Variants in AOAH observed in about 807,000 individuals in gnomAD.
The protein encoded by AOAH is acyloxyacyl hydrolase, also known as acyloxyacyl hydrolase (neutrophil).
A neutral mutation model predicts 92.2 loss-of-function variants in AOAH; 64 were observed. The observed-to-expected ratio is 0.69, with a 90% confidence interval of 0.57 to 0.86. The LOEUF is 0.86. Ranked by LOEUF, AOAH falls within the 40% of genes least tolerant of loss-of-function variation. The probability of loss-of-function intolerance (pLI) is 0.00; values close to 1 mark genes in which losing one functional copy is unlikely to be tolerated. For missense variants in AOAH, 656 were observed against 694.6 expected, an observed-to-expected ratio of 0.94 and a Z score of 0.62; for synonymous variants, 263 against 254.5, an observed-to-expected ratio of 1.03 and a Z score of -0.32.
At chr7:36,547,080 A>T (rs1317922585) in intron 15 of AOAH, among the ~76,000 whole-genome samples, 1 of 152,202 alleles carries the variant, frequency 6.6e-6, no homozygotes, top group Non-Finnish European at 1.5e-5. Flanking sequence ...CAGTTTTCCC[A>T]TCTGTAAAAT....
chr7:36,678,985 T>G (rs1473317816), intron 2 of AOAH, among the ~76,000 whole-genome samples: 1 of 152,080 alleles, frequency 6.6e-6, no homozygotes, highest in Admixed American at 6.6e-5. Flanking sequence ...CATACAAGAG[T>G]ATTTAATTTC....
intron 9 of AOAH, among the ~76,000 whole-genome samples, chr7:36,620,387 C>T (rs990169748): frequency 6.6e-6 from 1 of 151,706 alleles, no homozygotes; most frequent in Non-Finnish European, 1.5e-5. Context: ...CTGCTCTGCC[C>T]GGCTAGGCTT....
chr7:36,602,198 G>T (rs1478211058), intron 11 of AOAH, among the ~76,000 whole-genome samples: 1 of 152,042 alleles, frequency 6.6e-6, no homozygotes, highest in African/African-American at 2.4e-5. Context: ...AGGACAAAAT[G>T]GCAAATAACA....
At chr7:36,704,054 T>G (rs1359705742) in intron 1 of AOAH, among the ~76,000 whole-genome samples, 2 of 152,212 alleles carry the variant, frequency 1.3e-5, no homozygotes, top group Non-Finnish European at 2.9e-5. Context: ...TCTGAAGGTG[T>G]GAGATGGTAT....
At chr7:36,706,620 T>C (rs1004129195) in intron 1 of AOAH, among the ~76,000 whole-genome samples, 6 of 152,362 alleles carry the variant, frequency 3.9e-5, no homozygotes, top group African/African-American at 9.6e-5. Context: ...GAAAGTCATA[T>C]AGATGACATC....
intron 4 of AOAH, among the ~76,000 whole-genome samples, chr7:36,644,261 A>G (rs182783116): frequency 3.9e-5 from 6 of 152,302 alleles, no homozygotes; most frequent in South Asian, 2.1e-4. Context: ...TCCAGATCCA[A>G]TTCAGACCCA....
intron 11 of AOAH, among the ~76,000 whole-genome samples, chr7:36,609,500 T>TATTAA: frequency 6.6e-6 from 1 of 152,146 alleles, no homozygotes; most frequent in South Asian, 2.1e-4. Flanking sequence ...GGATGAGCTT[T>TATTAA]AGTTCAGCTG....
intron 20 of AOAH, among the ~76,000 whole-genome samples, chr7:36,517,936 C>T (rs1783895062): frequency 1.9e-5 from 1 of 54,028 alleles, no homozygotes; most frequent in Admixed American, 1.8e-4. Flanking sequence ...CACACCCACA[C>T]ACACACACCC....
intron 11 of AOAH, among the ~76,000 whole-genome samples, chr7:36,601,709 C>T (rs1486471628): frequency 6.6e-6 from 1 of 152,190 alleles, no homozygotes; most frequent in Non-Finnish European, 1.5e-5. Context: ...TGTGTCAGCA[C>T]ATAGAAGGGA....
At chr7:36,675,927 T>C (rs965909539) in intron 2 of AOAH, among the ~76,000 whole-genome samples, 6 of 152,134 alleles carry the variant, frequency 3.9e-5, no homozygotes, top group Admixed American at 3.9e-4. Flanking sequence ...TGACAAAATA[T>C]AACACTGCTT....
chr7:36,688,865 C>A (rs10224287), intron 1 of AOAH, among the ~76,000 whole-genome samples: 2,768 of 151,628 alleles, frequency 0.018, 92 homozygotes, highest in African/African-American at 0.064. Flanking sequence ...ATATGTGTAT[C>A]TATACACATG....
intron 5 of AOAH, among the ~76,000 whole-genome samples, chr7:36,632,364 C>T (rs112516932): frequency 1.7e-3 from 254 of 152,344 alleles, no homozygotes; most frequent in Non-Finnish European, 3.0e-3. Context: ...AGCTTCCCAG[C>T]CACCCTCACT....
chr7:36,692,171 G>C (rs538555794), intron 1 of AOAH, among the ~76,000 whole-genome samples: 1 of 152,310 alleles, frequency 6.6e-6, no homozygotes, highest in Non-Finnish European at 1.5e-5. Flanking sequence ...TGAGGCTTAC[G>C]TGATACCACA....
chr7:36,656,019 G>T (rs1204364684), intron 4 of AOAH, among the ~76,000 whole-genome samples: 1 of 152,198 alleles, frequency 6.6e-6, no homozygotes, highest in Non-Finnish European at 1.5e-5. Flanking sequence ...CAAGTGGAAG[G>T]ACAGAGTGAG....
At chr7:36,532,438 C>A in intron 16 of AOAH, 94 bp from the exon 17 acceptor site, 1 of 1,161,544 alleles carries the variant, frequency 8.6e-7, no homozygotes, top group Non-Finnish European at 1.3e-6. Flanking sequence ...TGCAGAAAGT[C>A]ACTATTTCCA....
intron 13 of AOAH, among the ~76,000 whole-genome samples, chr7:36,563,135 G>A (rs886884269): frequency 2.0e-5 from 1 of 50,344 alleles, no homozygotes; most frequent in African/African-American, 7.2e-5. Context: ...CAACAAGAAT[G>A]AAACTCCGTC....
chr7:36,535,152 G>A (rs10246427), intron 16 of AOAH, among the ~76,000 whole-genome samples: 55,018 of 150,074 alleles, frequency 0.37, 11,459 homozygotes, highest in East Asian at 0.52. Context: ...ACCTGTGTCC[G>A]TGTCTGTGTG....
At chr7:36,549,265 G>A (rs1252055771) in intron 14 of AOAH, among the ~76,000 whole-genome samples, 174 bp downstream of exon 14, 11 of 152,254 alleles carry the variant, frequency 7.2e-5, no homozygotes, top group African/African-American at 2.4e-4. Context: ...GAGGACATAT[G>A]CAAATTAATC....
chr7:36,674,767 T>G (rs1383038443), intron 2 of AOAH, among the ~76,000 whole-genome samples: 1 of 152,192 alleles, frequency 6.6e-6, no homozygotes, highest in Non-Finnish European at 1.5e-5. Context: ...TTAAGGAGAA[T>G]CTATCTTGTC....
Sources: gnomAD v4.1 joint callset for allele counts (sites outside exome capture counted in the v4.1 genomes callset) on GRCh38, gnomAD v4.1.1 for gene constraint, MANE v1.5 for transcripts, NCBI Gene and HGNC (gene_info 2026-07-23, HGNC 2026-07-21) for gene names.